Variants in CD5 observed in about 807,000 individuals in gnomAD.
The protein encoded by CD5 is T-cell surface glycoprotein CD5.
A neutral mutation model predicts 60.3 loss-of-function variants in CD5; 36 were observed. That is an observed-to-expected ratio of 0.60 (90% CI 0.46 to 0.79). The LOEUF (loss-of-function observed/expected upper bound fraction) is 0.79. Among genes scored for constraint, CD5 ranks in the 30% least tolerant of loss-of-function variants. CD5 has a pLI of 0.00. For missense variants in CD5, 540 were observed against 630.6 expected, an observed-to-expected ratio of 0.86 and a Z score of 1.54; for synonymous variants, 230 against 257.6, an observed-to-expected ratio of 0.89 and a Z score of 1.03.
chr11:61,102,656 G>C, intron 1 of CD5, 41 bp downstream of exon 1: 1 of 1,513,108 alleles, frequency 6.6e-7, no homozygotes, highest in African/African-American at 1.4e-5. Flanking sequence ...ACCCGGGCTC[G>C]CTCCAGTGCA....
Position 61,116,555 on chromosome 11 carries a change from CA to C in CD5, c.94+1462del, listed in dbSNP as rs1565185066. The stretch of plus-strand genomic sequence containing the variant: ...CACCCCACACCACACACACACACCA[CA>C]CACACCACACACACACCACACACAC... On this transcript the variant is annotated intron_variant, in intron 2 of 10. Coordinates refer to ENST00000347785, the MANE Select transcript of CD5 (RefSeq NM_014207.4). 2.0e-3 allele frequency among the ~76,000 whole-genome samples: 197 copies of C among 99,582 alleles called. 1 individual carries two copies. The highest frequency in any genetic ancestry group is 7.0e-3 in the African/African-American group (182 of 26,106). 65.3% of individuals were successfully genotyped at this position (99,582 alleles called of 152,430 possible).
intron 9 of CD5, 105 bp from the exon 10 acceptor site, chr11:61,125,646 T>A (rs1400354046): frequency 2.9e-6 from 2 of 678,096 alleles, no homozygotes; most frequent in Admixed American, 5.6e-5. Context: ...CACCGGCTCA[T>A]AAAGCCCCTG....
chr11:61,102,343 G>T, upstream of CD5: 1 of 586,348 alleles, frequency 1.7e-6, no homozygotes, highest in Admixed American at 3.0e-5. Flanking sequence ...AGAGGCCAGG[G>T]CTGCCATTCA....
chr11:61,113,905 AG>A lies in CD5; in HGVS notation c.56-1150del, dbSNP rs1418950489. Among the ~76,000 whole-genome samples the A allele has an allele frequency of 2.6e-5, 4 of 152,254 alleles. No individual in the cohort carries two copies. In the East Asian group the frequency reaches 7.7e-4, roughly 29 times the overall value. On this transcript the variant is annotated intron_variant, in intron 1 of 10. Transcript: ENST00000347785. The stretch of plus-strand genomic sequence containing the variant: ...GGCCAGTCTCAAACTCCTGACCTCA[AG>A]TGATCCCCCCACCTCGGCCTCCCAA...
intron 1 of CD5, among the ~76,000 whole-genome samples, chr11:61,113,873 T>C (rs1454403623): frequency 1.3e-5 from 2 of 152,160 alleles, no homozygotes; most frequent in African/African-American, 4.8e-5. Context: ...TTTCACCATA[T>C]TGGCTAGGCC....
At position 61,121,620 on chromosome 11, in the gene CD5, C is replaced by T. The variant is rs1861059729; in HGVS notation, c.815C>T (p.Pro272Leu). The T allele has an allele frequency of 6.8e-7, 1 of 1,470,376 alleles. No individual in the cohort carries two copies. The highest frequency in any genetic ancestry group is 2.4e-5 in the East Asian group (1 of 40,852). 91.1% of individuals were successfully genotyped at this position (1,470,376 alleles called of 1,614,324 possible). ...VLALLCSGFQ[P>L]KVQSRLVGGS... is the part of the protein sequence containing the mutation. ...TTGCTTCCCCTCTCAGGTTTCCAGC[C>T]CAAGGTGCAGAGCCGTCTGGTGGGG... The change falls in exon 6 of 11, where the codon CCC becomes CTC. Residue 272 changes from proline to leucine, a missense_variant. Pro to Leu is a moderately conservative substitution (Grantham distance 98, BLOSUM62 -3). Coordinates refer to ENST00000347785, the MANE Select transcript of CD5 (RefSeq NM_014207.4).
At position 61,102,496 on chromosome 11, in the gene CD5, C is replaced by A; in HGVS notation, c.-65C>A. The A allele has an allele frequency of 2.3e-6, 3 of 1,285,042 alleles. No individual in the cohort carries two copies. Among genetic ancestry groups the A allele is most frequent in the South Asian group, 1.3e-5 (1 of 78,128 alleles). The allele number at this position is 1,285,042 out of a possible 1,614,324, so 79.6% of individuals were successfully genotyped here. ...CTCTCCCTCTCTGAGAGCGAGATAC[C>A]CGGCCAGACACCCTCACCTGCGGTG... On this transcript the variant is annotated 5_prime_UTR_variant, in exon 1 of 11. Coordinates refer to ENST00000347785, the MANE Select transcript of CD5 (RefSeq NM_014207.4).
At chr11:61,122,751 G>A (rs1861085959) in intron 6 of CD5, among the ~76,000 whole-genome samples, 156 bp from the exon 7 acceptor site, 1 of 152,246 alleles carries the variant, frequency 6.6e-6, no homozygotes, top group Non-Finnish European at 1.5e-5. Context: ...AGAGATAGAT[G>A]GAGGGATAGC....
Position 61,119,428 on chromosome 11 carries a change from A to C in CD5, c.658A>C (p.Arg220=). The C allele has an allele frequency of 6.2e-7, 1 of 1,614,168 alleles. No individual in the cohort carries two copies. Among genetic ancestry groups the C allele is most frequent in the Non-Finnish European group, 8.5e-7 (1 of 1,180,018 alleles). ...LKHLPETEAG[R]AQDPGEPREH... Reference sequence around the variant, plus strand: ...GCATCTGCCAGAGACTGAGGCAGGCAGAGCCCAAGACCCAGGGGAGCCACG... The same window carrying C: ...GCATCTGCCAGAGACTGAGGCAGGCCGAGCCCAAGACCCAGGGGAGCCACG... The change falls in exon 5 of 11, where the codon AGA becomes CGA. Residue 220 remains arginine (R), a synonymous_variant. Coordinates refer to ENST00000347785, the MANE Select transcript of CD5 (RefSeq NM_014207.4).
rs1229149287 is a variant in CD5, at chr11:61,118,982, G to A, written c.463+5G>A. 2 of 1,611,426 alleles carry A rather than the reference G, an allele frequency of 1.2e-6. No individual in the cohort carries two copies. The highest frequency in any genetic ancestry group is 3.3e-5 in the Admixed American group (2 of 59,710). ...CCACAACTCCAGAGCCCACAGGTAA[G>A]AGGATTCTGAACCCCCCACAGGGAG... On this transcript the variant is annotated splice_donor_5th_base_variant and intron_variant, in intron 4 of 10. Coordinates refer to ENST00000347785, the MANE Select transcript of CD5 (RefSeq NM_014207.4). This position sits in a 1 kb window ranked among gnomAD's most constrained non-coding sequence, Gnocchi z 4.7.
At chr11:61,103,512 G>A (rs1860730634) in intron 1 of CD5, among the ~76,000 whole-genome samples, 1 of 152,190 alleles carries the variant, frequency 6.6e-6, no homozygotes, top group South Asian at 2.1e-4. Context: ...TAGGGAAACC[G>A]GGTGTGCAGG....
At chr11:61,121,511 AGCCAGGGCCCCGATTT>A (rs1275602665) in intron 5 of CD5, 84 bp from the exon 6 acceptor site, 14 of 1,049,634 alleles carry the variant, frequency 1.3e-5, no homozygotes, top group Non-Finnish European at 1.8e-5. Flanking sequence ...GCCTTCCCCT[AGCCAGGGCCCCGATTT>A]GCCAGTGGCA....
intron 1 of CD5, among the ~76,000 whole-genome samples, chr11:61,113,054 T>C (rs1860881617): frequency 6.6e-6 from 1 of 152,220 alleles, no homozygotes; most frequent in African/African-American, 2.4e-5. Flanking sequence ...GACTACGGCC[T>C]TGAGCCATTG....
Position 61,118,555 on chromosome 11 carries a change from T to C in CD5, c.400+75T>C. The stretch of plus-strand genomic sequence containing the variant: ...CGAGGAGACTGCCCGAGGCCTGTGA[T>C]CTAGGGTCTGAGCAGGCTGGTGGAA... On this transcript the variant is annotated intron_variant, in intron 3 of 10. Transcript: ENST00000347785. This position sits in a 1 kb window ranked among gnomAD's most constrained non-coding sequence, Gnocchi z 4.7. 1 of 1,468,198 alleles carries C rather than the reference T, an allele frequency of 6.8e-7. No homozygotes were observed. 90.9% of individuals were successfully genotyped at this position (1,468,198 alleles called of 1,614,324 possible).
chr11:61,099,409 T>TCACACACACACAACATGGAGATTA (rs111843769), upstream of CD5, among the ~76,000 whole-genome samples: 3 of 128,162 alleles, frequency 2.3e-5, no homozygotes, highest in African/African-American at 1.0e-4. Flanking sequence ...AACATGGAAA[T>TCACACACACACAACATGGAGATTA]CACACACATC....
Position 61,118,659 on chromosome 11 carries a change from C to T in CD5, c.400+179C>T, listed in dbSNP as rs1425838652. On this transcript the variant is annotated intron_variant, in intron 3 of 10. Coordinates refer to ENST00000347785, the MANE Select transcript of CD5 (RefSeq NM_014207.4). The surrounding 1 kb of genome is among the most constrained non-coding windows in gnomAD (Gnocchi z 4.7). ...GGGACTGGAAGGGGCCAGCACCCAT[C>T]TGTAGGATGGCAATGGAGGACCTAG... Among the ~76,000 whole-genome samples the T allele has an allele frequency of 6.6e-6, 1 of 152,250 alleles. No individual in the cohort carries two copies. The highest frequency in any genetic ancestry group is 1.5e-5 in the Non-Finnish European group (1 of 68,046).
At chr11:61,097,988 C>CT (rs1284331741), upstream of CD5, among the ~76,000 whole-genome samples, 6 of 152,108 alleles carry the variant, frequency 3.9e-5, no homozygotes, top group Non-Finnish European at 8.8e-5. Flanking sequence ...AAGGAGGGGT[C>CT]TATGGGAAAT....
chr11:61,099,992 A>T (rs1590762696), upstream of CD5, among the ~76,000 whole-genome samples: 1 of 150,748 alleles, frequency 6.6e-6, no homozygotes, highest in African/African-American at 2.5e-5. Context: ...ACACATCAAC[A>T]TGGAGATCAC....
intron 1 of CD5, among the ~76,000 whole-genome samples, chr11:61,104,171 C>T (rs1282348393): frequency 2.0e-5 from 3 of 151,400 alleles, no homozygotes; most frequent in African/African-American, 2.4e-5. Flanking sequence ...GGAGTCTGTG[C>T]GCATGTGTGT....
Sources: gnomAD v4.1 joint callset for allele counts (sites outside exome capture counted in the v4.1 genomes callset) on GRCh38, gnomAD v4.1.1 for gene constraint, Gnocchi (gnomAD v3.1) non-coding constraint, MANE v1.5 for transcripts, NCBI Gene and HGNC (gene_info 2026-07-23, HGNC 2026-07-21) for gene names.